The following ANKS6 variants were observed in gnomAD, a reference collection of about 807,000 sequenced individuals.
ANKS6 encodes the protein ankyrin repeat and SAM domain-containing protein 6.
ANKS6 carries 47 observed loss-of-function variants against 77.9 expected under a neutral mutation model. The observed-to-expected ratio is 0.60, with a 90% CI of 0.48 to 0.77. The LOEUF is 0.77. Ranked by LOEUF, ANKS6 falls within the 30% of genes least tolerant of loss-of-function variation. The pLI is 0.00. For synonymous variants in ANKS6, 488 were observed against 501.7 expected, an observed-to-expected ratio of 0.97 and a Z score of 0.37; for missense variants, 1,150 against 1,159.1, an observed-to-expected ratio of 0.99 and a Z score of 0.11.
intron 14 of ANKS6, among the ~76,000 whole-genome samples, chr9:98,742,179 T>C (rs1831872767): frequency 6.6e-6 from 1 of 152,164 alleles, no homozygotes; most frequent in African/African-American, 2.4e-5. Flanking sequence ...ATGGGTACTC[T>C]CTCTTGGTTG....
intron 11 of ANKS6, among the ~76,000 whole-genome samples, chr9:98,765,920 C>G (rs981853138): frequency 6.6e-6 from 1 of 152,186 alleles, no homozygotes; most frequent in Non-Finnish European, 1.5e-5. Context: ...AAAAGCACTT[C>G]ATGTCTCTAT....
At chr9:98,788,689 T>C (rs1588417009) in intron 2 of ANKS6, among the ~76,000 whole-genome samples, 1 of 152,210 alleles carries the variant, frequency 6.6e-6, no homozygotes, top group Non-Finnish European at 1.5e-5. Context: ...ATTTCACAGA[T>C]GAGGCAAAGG....
At chr9:98,744,850 C>T (rs150772442) in intron 14 of ANKS6, among the ~76,000 whole-genome samples, 331 of 151,206 alleles carry the variant, frequency 2.2e-3, no homozygotes, top group Non-Finnish European at 3.6e-3. Context: ...ACAGGTACTG[C>T]GCATTGTTGC....
intron 2 of ANKS6, among the ~76,000 whole-genome samples, chr9:98,786,073 G>A (rs1834547143): frequency 6.6e-6 from 1 of 152,074 alleles, no homozygotes; most frequent in Non-Finnish European, 1.5e-5. Context: ...CTGCCTCCTG[G>A]GTTCAAGTGA....
intron 13 of ANKS6, 138 bp downstream of exon 13, chr9:98,750,891 G>T: frequency 1.0e-5 from 7 of 683,648 alleles, no homozygotes; most frequent in South Asian, 7.3e-5. Context: ...AACTAATCCC[G>T]CTAAGCACGA....
Position 98,773,986 on chromosome 9 carries a change from C to T in ANKS6, c.1712G>A (p.Ser571Asn). The T allele has an allele frequency of 1.3e-6, 2 of 1,593,216 alleles. No homozygotes were observed. The highest frequency in any genetic ancestry group is 1.7e-6 in the Non-Finnish European group (2 of 1,171,050). Residue 571 changes from serine (S) to asparagine (N), a missense_variant, in exon 9 of 15, where the codon AGC becomes AAC. Ser to Asn is a conservative substitution (Grantham distance 46). Coordinates refer to ENST00000353234, the MANE Select transcript of ANKS6 (RefSeq NM_173551.5). Reference sequence around the variant, plus strand: ...GTGACGCGTCCGGGACCGATCAGAGCTCCACAGCTCAAAACTGGAAGGGGG... The same window carrying T: ...GTGACGCGTCCGGGACCGATCAGAGTTCCACAGCTCAAAACTGGAAGGGGG... ...FLPPSSFELW[S>N]SDRSRTRHNG...
rs552721651 is a variant in ANKS6 at position 98,740,126 on chromosome 9, A to G, written c.2512-3503T>C. Among the ~76,000 whole-genome samples, 32 of 152,170 alleles carry G rather than the reference A, an allele frequency of 2.1e-4. No homozygotes were observed. In the South Asian group the frequency reaches 6.7e-3, roughly 32 times the overall value. On this transcript the variant is annotated intron_variant, in intron 14 of 14. Coordinates refer to ENST00000353234, the MANE Select transcript of ANKS6 (RefSeq NM_173551.5). ...TTCTCTACTAAGAGTGAAAAGGGGGAAAAATCCACTGAATGAGCCCAGACT... is the reference window on the plus strand; with the variant it reads ...TTCTCTACTAAGAGTGAAAAGGGGGGAAAATCCACTGAATGAGCCCAGACT...
At chr9:98,766,115 T>C (rs567632755) in intron 11 of ANKS6, among the ~76,000 whole-genome samples, 102 of 152,302 alleles carry the variant, frequency 6.7e-4, no homozygotes, top group African/African-American at 2.3e-3. Flanking sequence ...AGATAGCTCC[T>C]CAAGATCATA....
intron 2 of ANKS6, among the ~76,000 whole-genome samples, chr9:98,789,035 CTTTT>C (rs111230371): frequency 7.3e-6 from 1 of 137,272 alleles, no homozygotes; most frequent in Admixed American, 7.3e-5. Context: ...TGGTGTATTT[CTTTT>C]TTTTTTTTTT....
chr9:98,742,393 A>G (rs10512260), intron 14 of ANKS6, among the ~76,000 whole-genome samples: 7,581 of 152,284 alleles, frequency 0.05, 600 homozygotes, highest in African/African-American at 0.17. Flanking sequence ...CTCTTTGCAC[A>G]TCTAAGAACC....
At chr9:98,773,249 A>G (rs759742594) in intron 9 of ANKS6, among the ~76,000 whole-genome samples, 2 of 152,188 alleles carry the variant, frequency 1.3e-5, no homozygotes, top group African/African-American at 4.8e-5. Context: ...CATCGTATAG[A>G]GATAGAGGCC....
Position 98,795,747 on chromosome 9 carries a change from C to G in ANKS6, c.359+386G>C, listed in dbSNP as rs549156645. Among the ~76,000 whole-genome samples, 3 of 152,288 alleles carry G rather than the reference C, an allele frequency of 2.0e-5. No individual in the cohort carries two copies. In the South Asian group the frequency reaches 6.2e-4, roughly 32 times the overall value. ...CAAGCTCGTTCCTTTGCCTGGCCTG[C>G]CCACCAATGCCCTGGGTGGGGACTC... On this transcript the variant is annotated intron_variant, in intron 1 of 14. Coordinates refer to ENST00000353234, the MANE Select transcript of ANKS6 (RefSeq NM_173551.5).
chr9:98,737,605 C>T (rs1831572504), intron 14 of ANKS6, among the ~76,000 whole-genome samples: 1 of 152,160 alleles, frequency 6.6e-6, no homozygotes, highest in African/African-American at 2.4e-5. Context: ...AGTGGAAACA[C>T]ATCCCATGCT....
At chr9:98,764,593 A>G (rs150603690) in intron 11 of ANKS6, among the ~76,000 whole-genome samples, 88 of 152,252 alleles carry the variant, frequency 5.8e-4, no homozygotes, top group African/African-American at 2.0e-3. Context: ...CAGTTGGGGT[A>G]AACTCTACTG....
chr9:98,757,877 G>A lies in ANKS6; in HGVS notation c.2143-1274C>T, dbSNP rs186241185. Among the ~76,000 whole-genome samples, 1,035 of 152,126 alleles carry A rather than the reference G, an allele frequency of 6.8e-3. 10 individuals are homozygous for A. Among genetic ancestry groups the A allele is most frequent in the African/African-American group, 0.023 (967 of 41,500 alleles). ...CGGGAGGCAGAGGTTGCAGTGAGCC[G>A]AGATCGCACCACTGCACTCCAGCCT... is the stretch of plus-strand genomic sequence containing the variant. On this transcript the variant is annotated intron_variant, in intron 11 of 14. Coordinates refer to ENST00000353234, the MANE Select transcript of ANKS6 (RefSeq NM_173551.5).
chr9:98,782,289 C>T (rs558446540), intron 5 of ANKS6, among the ~76,000 whole-genome samples, 178 bp downstream of exon 5: 1 of 152,278 alleles, frequency 6.6e-6, no homozygotes, highest in Non-Finnish European at 1.5e-5. Context: ...TCCAGCGCTT[C>T]ACTGGGGAGG....
intron 11 of ANKS6, 73 bp from the exon 12 acceptor site, chr9:98,756,676 A>G (rs1274618274): frequency 1.6e-6 from 2 of 1,268,828 alleles, no homozygotes; most frequent in African/African-American, 1.5e-5. Context: ...AGACACCCAC[A>G]ACAGGGAACA....
In ANKS6 at chr9:98,734,028, C is replaced by T. The variant is rs186398843; in HGVS notation, c.*2491G>A. 9.1e-6 allele frequency: 9 copies of T among 985,272 alleles called. No individual in the cohort carries two copies. The African/African-American group carries it at 1.4e-4, about 15-fold the overall frequency. The allele number at this position is 985,272 out of a possible 1,614,324, so 61.0% of individuals were successfully genotyped here. A position where few individuals can be genotyped will look rare whatever the true frequency, so the allele number is the denominator to read the frequency against. Reference sequence around the variant, plus strand: ...ATCAGAAAAACAAGCACCCAACTGACCCCTCCTCCCTGACGATCTATAACC... The same window carrying T: ...ATCAGAAAAACAAGCACCCAACTGATCCCTCCTCCCTGACGATCTATAACC... On this transcript the variant is annotated 3_prime_UTR_variant, in exon 15 of 15. Transcript: ENST00000353234.
chr9:98,780,088 T>G, intron 6 of ANKS6, 101 bp downstream of exon 6: 2 of 1,505,390 alleles, frequency 1.3e-6, no homozygotes, highest in Non-Finnish European at 1.8e-6. Context: ...CTGCAGGGAC[T>G]CCCTAGCATA....
Sources: gnomAD v4.1 joint callset for allele counts (sites outside exome capture counted in the v4.1 genomes callset) on GRCh38, gnomAD v4.1.1 for gene constraint, MANE v1.5 for transcripts, NCBI Gene and HGNC (gene_info 2026-07-23, HGNC 2026-07-21) for gene names.